PAIP2B: variants seen among roughly 807,000 people sequenced by gnomAD.
The protein encoded by PAIP2B is poly(A) binding protein interacting protein 2B.
PAIP2B carries 13 observed loss-of-function variants against 17.0 expected under a neutral mutation model. That is an observed-to-expected ratio of 0.76 (90% CI 0.50 to 1.22). The LOEUF is 1.22. PAIP2B is among the 50% of genes most tolerant of loss of function. The pLI, the probability that PAIP2B is intolerant of heterozygous loss-of-function variation, is 0.00. For missense variants in PAIP2B, 117 were observed against 144.5 expected (o/e 0.81, Z 0.98); for synonymous variants, 43 against 48.7 (o/e 0.88, Z 0.48).
chr2:71,207,260 C>T (rs993032733), intron 1 of PAIP2B, among the ~76,000 whole-genome samples: 1 of 151,756 alleles, frequency 6.6e-6, no homozygotes, highest in Non-Finnish European at 1.5e-5. Flanking sequence ...TTCATTGATA[C>T]CTAAAGAATG....
At chr2:71,222,994 G>C (rs1426071964) in intron 1 of PAIP2B, among the ~76,000 whole-genome samples, 1 of 152,192 alleles carries the variant, frequency 6.6e-6, no homozygotes, top group African/African-American at 2.4e-5. Context: ...TTGGTCAAGT[G>C]AATCTATAAT....
Position 71,187,850 on chromosome 2 carries a change from CA to C in PAIP2B, c.*628del, listed in dbSNP as rs1674576653. The C allele has an allele frequency of 6.5e-6, 1 of 153,004 alleles. No individual in the cohort carries two copies. The highest frequency in any genetic ancestry group is 1.5e-5 in the Non-Finnish European group (1 of 68,522). 9.5% of individuals were successfully genotyped at this position (153,004 alleles called of 1,614,324 possible). A position where few individuals can be genotyped will look rare whatever the true frequency, so the allele number is the denominator to read the frequency against. On this transcript the variant is annotated 3_prime_UTR_variant, in exon 4 of 4. Transcript: ENST00000244221. ...CATCACAGCCCTACCTTCTGATTTA[CA>C]ACTTTCAACAATCATCAAAAGTTAC...
At chr2:71,198,230 C>T (rs1367829392) in intron 2 of PAIP2B, among the ~76,000 whole-genome samples, 1 of 150,838 alleles carries the variant, frequency 6.6e-6, no homozygotes, top group Non-Finnish European at 1.5e-5. Context: ...AGAGATTCTC[C>T]TGCCTCAGCC....
intron 1 of PAIP2B, among the ~76,000 whole-genome samples, chr2:71,221,309 T>C (rs539275473): frequency 6.6e-6 from 1 of 152,378 alleles, no homozygotes; most frequent in Non-Finnish European, 1.5e-5. Flanking sequence ...TCTGTGCCTT[T>C]GCACCTGCTA....
intron 2 of PAIP2B, among the ~76,000 whole-genome samples, chr2:71,201,839 T>C (rs1674992270): frequency 6.6e-6 from 1 of 152,218 alleles, no homozygotes; most frequent in African/African-American, 2.4e-5. Context: ...AATTTCACAT[T>C]GATCACTACA....
At chr2:71,225,457 A>G (rs1011318372) in intron 1 of PAIP2B, among the ~76,000 whole-genome samples, 1 of 152,162 alleles carries the variant, frequency 6.6e-6, no homozygotes, top group Non-Finnish European at 1.5e-5. Context: ...ACATTTCTCC[A>G]CTGAAAGCTA....
intron 1 of PAIP2B, among the ~76,000 whole-genome samples, chr2:71,221,995 C>T (rs1056082450): frequency 3.3e-5 from 5 of 152,164 alleles, no homozygotes; most frequent in African/African-American, 1.2e-4. Context: ...TAAAAGCTGG[C>T]CACCTGAGCC....
intron 2 of PAIP2B, among the ~76,000 whole-genome samples, chr2:71,197,593 C>A (rs1053631804): frequency 6.6e-6 from 1 of 152,204 alleles, no homozygotes; most frequent in South Asian, 2.1e-4. Context: ...TGGATGGTAT[C>A]CTTGTATTAG....
At chr2:71,194,956 A>G (rs940640434) in intron 2 of PAIP2B, among the ~76,000 whole-genome samples, 1 of 152,210 alleles carries the variant, frequency 6.6e-6, no homozygotes, top group Non-Finnish European at 1.5e-5. Flanking sequence ...GAATTTTATC[A>G]AAAGACTTTT....
chr2:71,211,728 C>T (rs1558780731), intron 1 of PAIP2B, among the ~76,000 whole-genome samples: 1 of 151,972 alleles, frequency 6.6e-6, no homozygotes, highest in East Asian at 1.9e-4. Flanking sequence ...CATTTTTAAC[C>T]TAGTAACTAT....
At chr2:71,210,584 A>T (rs1308627405) in intron 1 of PAIP2B, among the ~76,000 whole-genome samples, 1 of 152,254 alleles carries the variant, frequency 6.6e-6, no homozygotes, top group African/African-American at 2.4e-5. Flanking sequence ...ATAAGTTAAC[A>T]AGAAGCTTTC....
At position 71,188,228 on chromosome 2, in the gene PAIP2B, G is replaced by A. The variant is rs747321969; in HGVS notation, c.*251C>T. 6 of 495,948 alleles carry A rather than the reference G, an allele frequency of 1.2e-5. No homozygotes were observed. The highest frequency in any genetic ancestry group is 6.6e-5 in the East Asian group (2 of 30,498). 30.7% of individuals were successfully genotyped at this position (495,948 alleles called of 1,614,324 possible). On this transcript the variant is annotated 3_prime_UTR_variant, in exon 4 of 4. Coordinates refer to ENST00000244221, the MANE Select transcript of PAIP2B (RefSeq NM_020459.1). ...GGGGAAAATGCAATTTCCTTAACTCGAAAGAGCTATTTAAAAAAACAAAAC... is the reference window on the plus strand; with the variant it reads ...GGGGAAAATGCAATTTCCTTAACTCAAAAGAGCTATTTAAAAAAACAAAAC...
intron 1 of PAIP2B, among the ~76,000 whole-genome samples, chr2:71,212,789 T>G (rs1675334279): frequency 6.6e-6 from 1 of 151,954 alleles, no homozygotes. Flanking sequence ...GGTCTCACTC[T>G]GTAGACCAGG....
In PAIP2B at chr2:71,212,216, C is replaced by G. The variant is rs1675319555; in HGVS notation, c.-11-9616G>C. Among the ~76,000 whole-genome samples, 4 of 152,280 alleles carry G rather than the reference C, an allele frequency of 2.6e-5. No homozygotes were observed. In the East Asian group the frequency reaches 7.7e-4, roughly 29 times the overall value. Reference sequence around the variant, plus strand: ...AATGCATAATTATATCAAATAAATGCCACTATAAAAGCCTGAATACAATCT... The same window carrying G: ...AATGCATAATTATATCAAATAAATGGCACTATAAAAGCCTGAATACAATCT... On this transcript the variant is annotated intron_variant, in intron 1 of 3. Coordinates refer to ENST00000244221, the MANE Select transcript of PAIP2B (RefSeq NM_020459.1).
At position 71,188,311 on chromosome 2, in the gene PAIP2B, A is replaced by C. The variant is rs898862146; in HGVS notation, c.*168T>G. ...AAATAGAAATACTCAGAGGCTTAGA[A>C]TAAGACTGAGCATATTAGTTACTCA... On this transcript the variant is annotated 3_prime_UTR_variant, in exon 4 of 4. Transcript: ENST00000244221. The C allele has an allele frequency of 1.6e-6, 1 of 614,456 alleles. No individual in the cohort carries two copies. The highest frequency in any genetic ancestry group is 1.9e-5 in the African/African-American group (1 of 53,930). 38.1% of individuals were successfully genotyped at this position (614,456 alleles called of 1,614,324 possible). A position where few individuals can be genotyped will look rare whatever the true frequency, so the allele number is the denominator to read the frequency against.
At chr2:71,201,225 T>C (rs541607070) in intron 2 of PAIP2B, among the ~76,000 whole-genome samples, 1 of 152,294 alleles carries the variant, frequency 6.6e-6, no homozygotes, top group African/African-American at 2.4e-5. Flanking sequence ...TCAGTGAGTG[T>C]TAACAAAGCT....
chr2:71,215,730 T>A (rs1353132397), intron 1 of PAIP2B, among the ~76,000 whole-genome samples: 3 of 152,264 alleles, frequency 2.0e-5, no homozygotes, highest in East Asian at 1.9e-4. Context: ...TTCTTTTCTC[T>A]TCAACGCAAA....
chr2:71,202,105 C>T (rs1340171723), intron 2 of PAIP2B, among the ~76,000 whole-genome samples: 1 of 152,334 alleles, frequency 6.6e-6, no homozygotes, highest in African/African-American at 2.4e-5. Context: ...GTGAACTACA[C>T]TTAGAAGGCA....
At chr2:71,217,633 C>A (rs1398863227) in intron 1 of PAIP2B, among the ~76,000 whole-genome samples, 1 of 152,186 alleles carries the variant, frequency 6.6e-6, no homozygotes, top group Non-Finnish European at 1.5e-5. Context: ...GTGTTACCTG[C>A]AAAGATGCAG....
Sources: allele counts gnomAD v4.1 joint callset (sites outside exome capture counted in the v4.1 genomes callset), GRCh38; gene constraint gnomAD v4.1.1; transcripts MANE v1.5; gene names NCBI Gene and HGNC (gene_info 2026-07-23, HGNC 2026-07-21).